The following GNAS-AS1 variants were observed in gnomAD, a reference collection of about 807,000 sequenced individuals.
The protein encoded by GNAS-AS1 is GNAS antisense RNA 1, also known as GNAS antisense RNA 1 (non-protein coding).
chr20:58,824,744 C>T (rs1036797389), intron 4 of GNAS-AS1, among the ~76,000 whole-genome samples: 18 of 152,198 alleles, frequency 1.2e-4, no homozygotes, highest in Non-Finnish European at 2.5e-4. Flanking sequence ...TTATCATATG[C>T]TCGCTGTAAA....
At chr20:58,838,116 C>T (rs1275887861) in intron 4 of GNAS-AS1, among the ~76,000 whole-genome samples, 2 of 152,192 alleles carry the variant, frequency 1.3e-5, no homozygotes, top group African/African-American at 4.8e-5. Flanking sequence ...TCTTGATACT[C>T]CCAGGGATTT....
At chr20:58,821,497 C>T (rs1381968883) in intron 4 of GNAS-AS1, among the ~76,000 whole-genome samples, 1 of 152,204 alleles carries the variant, frequency 6.6e-6, no homozygotes, top group Non-Finnish European at 1.5e-5. Context: ...TCAGTTTTCC[C>T]ATATGTTTGC....
intron 4 of GNAS-AS1, among the ~76,000 whole-genome samples, chr20:58,819,772 G>A (rs894911904): frequency 1.4e-4 from 21 of 152,312 alleles, no homozygotes; most frequent in African/African-American, 4.3e-4. Context: ...AACCAACCAG[G>A]ATTGTTTCCA....
chr20:58,847,346 C>T (rs1568916066), intron 2 of GNAS-AS1, among the ~76,000 whole-genome samples: 1 of 152,096 alleles, frequency 6.6e-6, no homozygotes, highest in Non-Finnish European at 1.5e-5. Context: ...AGCCTGGCCA[C>T]GCAGACCCCT....
At chr20:58,838,684 G>C (rs549311760) in intron 4 of GNAS-AS1, 2 of 232,532 alleles carry the variant, frequency 8.6e-6, no homozygotes, top group South Asian at 3.6e-4. Context: ...TTGGGAGGCC[G>C]AGGCGGGCGG....
chr20:58,841,237 T>G lies in GNAS-AS1; in HGVS notation n.819+700A>C. On this transcript the variant is annotated intron_variant and non_coding_transcript_variant, in intron 4 of 4. Coordinates refer to ENST00000424094, the Ensembl canonical transcript of GNAS-AS1. This position sits in a 1 kb window ranked among gnomAD's most constrained non-coding sequence, Gnocchi z 5.0. ...AACGGCATTGGTAAGTCACTTGTTT[T>G]GCGCGCTTTTCTTCCTCCTAGAAAG... The G allele has an allele frequency of 1.2e-6, 1 of 859,362 alleles. No homozygotes were observed. The highest frequency in any genetic ancestry group is 1.5e-6 in the Non-Finnish European group (1 of 672,066). 53.2% of individuals were successfully genotyped at this position (859,362 alleles called of 1,614,324 possible). A position where few individuals can be genotyped will look rare whatever the true frequency, so the allele number is the denominator to read the frequency against.
At chr20:58,836,155 C>T (rs2085601546) in intron 4 of GNAS-AS1, 1 of 152,324 alleles carries the variant, frequency 6.6e-6, no homozygotes, top group South Asian at 2.1e-4. Flanking sequence ...CAGAGGCTAA[C>T]CTGATAAGAC....
chr20:58,842,652 G>T, intron 2 of GNAS-AS1: 1 of 397,094 alleles, frequency 2.5e-6, no homozygotes, highest in Non-Finnish European at 4.4e-6. Context: ...CCCCGCTTTT[G>T]GCTTGCCCCT....
At chr20:58,850,419 T>A (rs1317588889) in intron 1 of GNAS-AS1, 1 of 397,402 alleles carries the variant, frequency 2.5e-6, no homozygotes, top group African/African-American at 2.1e-5. Flanking sequence ...CTGAACCCGT[T>A]CCTCGACAAA....
intron 4 of GNAS-AS1, chr20:58,839,596 T>C: frequency 2.4e-6 from 1 of 410,008 alleles, no homozygotes; most frequent in Non-Finnish European, 4.3e-6. Context: ...GGTTCCCTCC[T>C]GCCACCTGCC....
At chr20:58,850,839 G>T in exon 1 of GNAS-AS1, 1 of 398,674 alleles carries the variant, frequency 2.5e-6, no homozygotes, top group Non-Finnish European at 4.4e-6. Flanking sequence ...CCATACACCC[G>T]CCCCCCACCG....
chr20:58,850,752 G>A (rs753729444), exon 1 of GNAS-AS1: 3 of 398,750 alleles, frequency 7.5e-6, no homozygotes, highest in East Asian at 3.6e-5. Context: ...CCTCTCCCCC[G>A]AGGCTCGGCA....
chr20:58,841,345 A>C lies in GNAS-AS1; in HGVS notation n.819+592T>G, dbSNP rs2085716683. On this transcript the variant is annotated intron_variant and non_coding_transcript_variant, in intron 4 of 4. Transcript: ENST00000424094. The surrounding 1 kb of genome is among the most constrained non-coding windows in gnomAD (Gnocchi z 5.0). ...GCGCCAACTTTCACGATGTGAGAGC[A>C]GCCGCGCTGTAGAGACACCGTTGAA... 1 of 1,058,136 alleles carries C rather than the reference A, an allele frequency of 9.5e-7. No homozygotes were observed. The highest frequency in any genetic ancestry group is 1.1e-6 in the Non-Finnish European group (1 of 874,936). The allele number at this position is 1,058,136 out of a possible 1,614,324, so 65.5% of individuals were successfully genotyped here. A position where few individuals can be genotyped will look rare whatever the true frequency, so the allele number is the denominator to read the frequency against.
chr20:58,842,249 TA>T, intron 3 of GNAS-AS1: 1 of 398,380 alleles, frequency 2.5e-6, no homozygotes, highest in Non-Finnish European at 4.4e-6. Flanking sequence ...GAAATGTCTT[TA>T]AAAAATCTCA....
rs2145480293 is a variant in GNAS-AS1, at chr20:58,841,869, T to C, written n.819+68A>G. 19 of 1,230,938 alleles carry C rather than the reference T, an allele frequency of 1.5e-5. No individual in the cohort carries two copies. Among genetic ancestry groups the C allele is most frequent in the Non-Finnish European group, 1.9e-5 (19 of 987,902 alleles). 76.3% of individuals were successfully genotyped at this position (1,230,938 alleles called of 1,614,324 possible). The stretch of plus-strand genomic sequence containing the variant: ...TGGAGGCCCTCGAGATCGTCGCAAG[T>C]GGAAAGGTAAAGCGGAACAAGGGAC... On this transcript the variant is annotated intron_variant and non_coding_transcript_variant, in intron 4 of 4. Transcript: ENST00000424094. The surrounding 1 kb of genome is among the most constrained non-coding windows in gnomAD (Gnocchi z 5.0).
intron 4 of GNAS-AS1, among the ~76,000 whole-genome samples, chr20:58,821,784 G>T (rs561894907): frequency 1.3e-5 from 2 of 152,164 alleles, no homozygotes; most frequent in African/African-American, 4.8e-5. Context: ...GCCTGGATGA[G>T]CAAGAGAGAA....
rs1047103815 is a variant in GNAS-AS1 at position 58,841,166 on chromosome 20, C to G, written n.819+771G>C. On this transcript the variant is annotated intron_variant and non_coding_transcript_variant, in intron 4 of 4. Coordinates refer to ENST00000424094, the Ensembl canonical transcript of GNAS-AS1. This position sits in a 1 kb window ranked among gnomAD's most constrained non-coding sequence, Gnocchi z 5.0. ...GGTCTCCGAGCTGGTGCCCCGGCTACGCGACTGAATCCCGAACGCACCCCA... is the reference window on the plus strand; with the variant it reads ...GGTCTCCGAGCTGGTGCCCCGGCTAGGCGACTGAATCCCGAACGCACCCCA... Among the ~76,000 whole-genome samples, 4 of 152,164 alleles carry G rather than the reference C, an allele frequency of 2.6e-5. No homozygotes were observed. The highest frequency in any genetic ancestry group is 9.6e-5 in the African/African-American group (4 of 41,454).
chr20:58,841,973 G>C lies in GNAS-AS1; in HGVS notation n.783C>G. The C allele has an allele frequency of 9.3e-7, 1 of 1,076,640 alleles. No homozygotes were observed. The allele number at this position is 1,076,640 out of a possible 1,614,324, so 66.7% of individuals were successfully genotyped here. A position where few individuals can be genotyped will look rare whatever the true frequency, so the allele number is the denominator to read the frequency against. Reference sequence around the variant, plus strand: ...AAAGAGCGCGGTACGCGCAGAGCTGGGGAAAGGTGTTGGATCCGGCGCCAG... The same window carrying C: ...AAAGAGCGCGGTACGCGCAGAGCTGCGGAAAGGTGTTGGATCCGGCGCCAG... On this transcript the variant is annotated non_coding_transcript_exon_variant, in exon 4 of 5. Coordinates refer to ENST00000424094, the Ensembl canonical transcript of GNAS-AS1. The surrounding 1 kb of genome is among the most constrained non-coding windows in gnomAD (Gnocchi z 5.0).
In GNAS-AS1 at chr20:58,840,803, TC is replaced by T; in HGVS notation, n.819+1133del. 2 of 1,612,252 alleles carry T rather than the reference TC, an allele frequency of 1.2e-6. No individual in the cohort carries two copies. The highest frequency in any genetic ancestry group is 2.2e-5 in the East Asian group (1 of 44,846). ...CACCCGCCGTGACGCGTCCCCGGAG[TC>T]CCCTTCCAAAAAGGGACCCATCCCC... On this transcript the variant is annotated intron_variant and non_coding_transcript_variant, in intron 4 of 4. Transcript: ENST00000424094. The surrounding 1 kb of genome is among the most constrained non-coding windows in gnomAD (Gnocchi z 6.0).
Sources: allele counts gnomAD v4.1 joint callset (sites outside exome capture counted in the v4.1 genomes callset), GRCh38; gene constraint gnomAD v4.1.1; non-coding constraint Gnocchi (gnomAD v3.1); transcripts MANE v1.5; gene names NCBI Gene and HGNC (gene_info 2026-07-23, HGNC 2026-07-21).